Variants in CSMD3 observed in about 807,000 individuals in gnomAD.
CSMD3 encodes CUB and Sushi multiple domains 3, also known as CUB and sushi domain-containing protein 3.
CSMD3 carries 177 observed loss-of-function variants against 435.2 expected under a neutral mutation model. The observed-to-expected ratio is 0.41, with a 90% CI of 0.36 to 0.46. The LOEUF is 0.46. Among genes scored for constraint, CSMD3 ranks in the 20% least tolerant of loss-of-function variants. The pLI, the probability that CSMD3 is intolerant of heterozygous loss-of-function variation, is 0.34. For missense variants in CSMD3, 4,265 were observed against 4,504.6 expected (o/e 0.95, Z 1.52); for synonymous variants, 1,656 against 1,520.5 (o/e 1.09, Z -2.07).
chr8:112,534,276 G>A (rs1484565276), intron 27 of CSMD3, among the ~76,000 whole-genome samples: 1 of 151,998 alleles, frequency 6.6e-6, no homozygotes, highest in Non-Finnish European at 1.5e-5. Flanking sequence ...TAGACCACTA[G>A]CAAGACTAAT....
At chr8:113,009,751 G>A (rs1284791871) in intron 6 of CSMD3, among the ~76,000 whole-genome samples, 1 of 151,776 alleles carries the variant, frequency 6.6e-6, no homozygotes, top group Non-Finnish European at 1.5e-5. Flanking sequence ...AACATGCACT[G>A]AGTATTATGA....
Position 112,265,516 on chromosome 8 carries a change from C to T in CSMD3, c.9583G>A (p.Val3195Ile), listed in dbSNP as rs551006916. 5 of 1,613,532 alleles carry T rather than the reference C, an allele frequency of 3.1e-6. No homozygotes were observed. In the East Asian group the frequency reaches 6.7e-5, roughly 22 times the overall value. ...YGDDYVVGQNVSYMCQPGYTM... is the reference protein window; with the variant it reads ...YGDDYVVGQNISYMCQPGYTM... ...TAGCCTGGCTGGCACATGTAAGAAA[C>T]ATTTTGTCCAACCACATAATCATCT... Residue 3195 changes from valine to isoleucine, a missense_variant, in exon 60 of 71, where the codon GTT (valine) becomes ATT (isoleucine). Physicochemically the swap from Val to Ile is conservative, Grantham distance 29. Transcript: ENST00000297405.
At chr8:112,891,933 G>A (rs964988648) in intron 10 of CSMD3, among the ~76,000 whole-genome samples, 1 of 151,466 alleles carries the variant, frequency 6.6e-6, no homozygotes, top group African/African-American at 2.4e-5. Flanking sequence ...GTGTGTAAAT[G>A]TGTTATCTTC....
chr8:112,785,185 G>T (rs2078505722), intron 13 of CSMD3, among the ~76,000 whole-genome samples: 1 of 151,668 alleles, frequency 6.6e-6, no homozygotes, highest in South Asian at 2.1e-4. Context: ...AATTAACAAT[G>T]AACAATCATT....
intron 3 of CSMD3, among the ~76,000 whole-genome samples, chr8:113,223,929 A>G (rs2092998335): frequency 6.6e-6 from 1 of 151,180 alleles, no homozygotes; most frequent in African/African-American, 2.4e-5. Flanking sequence ...AAAGAAACTT[A>G]AGAAAGAATT....
chr8:112,804,757 C>T (rs1372465074), intron 12 of CSMD3, among the ~76,000 whole-genome samples: 3 of 151,776 alleles, frequency 2.0e-5, no homozygotes, highest in East Asian at 3.9e-4. Context: ...CTCCAACTCC[C>T]GGGTTCAAGC....
intron 31 of CSMD3, among the ~76,000 whole-genome samples, chr8:112,485,044 A>G (rs1010491098): frequency 6.6e-6 from 1 of 152,124 alleles, no homozygotes; most frequent in Admixed American, 6.5e-5. Flanking sequence ...ATTTGTTTAT[A>G]ACAATGTTAA....
chr8:112,406,405 T>A (rs946475997), intron 35 of CSMD3, 119 bp downstream of exon 35: 1 of 562,820 alleles, frequency 1.8e-6, no homozygotes, highest in African/African-American at 1.9e-5. Context: ...AGCATACTTA[T>A]TAAATTATTT....
intron 23 of CSMD3, among the ~76,000 whole-genome samples, chr8:112,578,571 G>A (rs1830115917): frequency 1.3e-5 from 2 of 151,898 alleles, no homozygotes; most frequent in African/African-American, 4.8e-5. Flanking sequence ...GATCACCGGT[G>A]TGCTGGAAAA....
intron 13 of CSMD3, among the ~76,000 whole-genome samples, chr8:112,718,674 T>G (rs921192151): frequency 6.6e-6 from 1 of 152,086 alleles, no homozygotes; most frequent in African/African-American, 2.4e-5. Context: ...TTAGGACTTA[T>G]GTAAGGTGTC....
intron 5 of CSMD3, among the ~76,000 whole-genome samples, chr8:113,094,113 T>C (rs1396809913): frequency 6.6e-6 from 1 of 152,156 alleles, no homozygotes; most frequent in Non-Finnish European, 1.5e-5. Flanking sequence ...TATTAAAATG[T>C]CTTTCTGACC....
intron 5 of CSMD3, among the ~76,000 whole-genome samples, chr8:113,022,001 G>A (rs968385260): frequency 1.1e-4 from 17 of 152,082 alleles, no homozygotes; most frequent in African/African-American, 3.9e-4. Flanking sequence ...TTGGTTATAG[G>A]CGAGTCACAT....
At chr8:113,107,027 A>G (rs2090498610) in intron 4 of CSMD3, among the ~76,000 whole-genome samples, 1 of 152,118 alleles carries the variant, frequency 6.6e-6, no homozygotes, top group African/African-American at 2.4e-5. Context: ...GTCCCCTCCA[A>G]TTCACCTATG....
chr8:113,287,057 T>C (rs959289547), intron 2 of CSMD3, among the ~76,000 whole-genome samples: 1 of 152,046 alleles, frequency 6.6e-6, no homozygotes, highest in African/African-American at 2.4e-5. Context: ...TCATGTGAAA[T>C]GATCTAGTGT....
chr8:113,017,556 G>C (rs1014286607), intron 6 of CSMD3, among the ~76,000 whole-genome samples: 1 of 151,852 alleles, frequency 6.6e-6, no homozygotes, highest in Non-Finnish European at 1.5e-5. Flanking sequence ...TAGTAGAAAA[G>C]ATCACAGGAA....
chr8:112,425,848 A>C (rs1440033323), intron 32 of CSMD3, among the ~76,000 whole-genome samples: 1 of 152,182 alleles, frequency 6.6e-6, no homozygotes, highest in Non-Finnish European at 1.5e-5. Context: ...AAATAAGAAA[A>C]CAAATATTAA....
chr8:112,312,545 C>T (rs1165688540), intron 49 of CSMD3, among the ~76,000 whole-genome samples: 4 of 152,042 alleles, frequency 2.6e-5, no homozygotes, highest in African/African-American at 9.7e-5. Context: ...TGTGAGCCAC[C>T]GCGCCTGGCC....
intron 1 of CSMD3, among the ~76,000 whole-genome samples, chr8:113,387,522 G>C (rs1379527831): frequency 6.6e-6 from 1 of 151,698 alleles, no homozygotes; most frequent in Non-Finnish European, 1.5e-5. Context: ...TTGCAGTGAA[G>C]AACAGAAACA....
In CSMD3 at chr8:112,696,380, T is replaced by C. The variant is rs374685730; in HGVS notation, c.1973-6330A>G. 2.0e-5 allele frequency among the ~76,000 whole-genome samples: 3 copies of C among 152,110 alleles called. No homozygotes were observed. The South Asian group carries it at 6.2e-4, about 32-fold the overall frequency. On this transcript the variant is annotated intron_variant, in intron 13 of 70. Coordinates refer to ENST00000297405, the MANE Select transcript of CSMD3 (RefSeq NM_198123.2). ...TGGTACTGGTACCAAAACAGACACA[T>C]AGACCAATGGAACAGAACAGAGCCC...
Sources: gnomAD v4.1 joint callset for allele counts (sites outside exome capture counted in the v4.1 genomes callset) on GRCh38, gnomAD v4.1.1 for gene constraint, MANE v1.5 for transcripts, NCBI Gene and HGNC (gene_info 2026-07-23, HGNC 2026-07-21) for gene names.